The following SLC34A1 variants were observed in gnomAD, a reference collection of about 807,000 sequenced individuals.
The protein encoded by SLC34A1 is solute carrier family 34 member 1.
SLC34A1 carries 57 observed loss-of-function variants against 51.4 expected under a neutral mutation model. The observed-to-expected ratio is 1.11, with a 90% CI of 0.90 to 1.38. The LOEUF (loss-of-function observed/expected upper bound fraction) is 1.38, where lower values mean the gene tolerates loss of function less well. Ranked by LOEUF, SLC34A1 falls within the 40% of genes most tolerant of loss-of-function variation. SLC34A1 has a pLI of 0.00. For synonymous variants in SLC34A1, 368 were observed against 358.0 expected (o/e 1.03, Z -0.32); for missense variants, 796 against 835.6 (o/e 0.95, Z 0.58).
Position 177,386,124 on chromosome 5 carries a change from GAGC to G in SLC34A1, c.250_252del (p.Gln84del). 6.2e-7 allele frequency: 1 copy of G among 1,613,628 alleles called. No individual in the cohort carries two copies. The highest frequency in any genetic ancestry group is 8.5e-7 in the Non-Finnish European group (1 of 1,179,772). On this transcript the variant is annotated inframe_deletion, in exon 3 of 13. Transcript: ENST00000324417. The surrounding 1 kb of genome is among the most constrained non-coding windows in gnomAD (Gnocchi z 4.8). ...GCCTGCCAAGCTGGCCCTGGAGGAG[GAGC>G]AGAAGCCAGGTGGGCCTGGGCTGGG... is the stretch of plus-strand genomic sequence containing the variant.
chr5:177,390,328 C>T (rs1762758962), intron 8 of SLC34A1: 10 of 987,032 alleles, frequency 1.0e-5, no homozygotes, highest in Non-Finnish European at 1.2e-5. Context: ...CTTATGTGGC[C>T]ACACTGTGGA....
chr5:177,394,074 G>C lies in SLC34A1; in HGVS notation c.1053G>C (p.Gly351=). 6.2e-7 allele frequency: 1 copy of C among 1,614,048 alleles called. No homozygotes were observed. Among genetic ancestry groups the C allele is most frequent in the Non-Finnish European group, 8.5e-7 (1 of 1,180,028 alleles). The change falls in exon 10 of 13, where the codon GGG becomes GGC. Residue 351 remains glycine (G), a synonymous_variant. Coordinates refer to ENST00000324417, the MANE Select transcript of SLC34A1 (RefSeq NM_003052.5). ...CTGGCCTACCGGACCTGGCTGTGGG[G>C]CTCATCCTGCTGGCAGGATCCCTGG... The part of the protein sequence containing the change: ...VDTGLPDLAV[G]LILLAGSLVL...
intron 8 of SLC34A1, chr5:177,389,907 C>T (rs1762743288): frequency 7.0e-7 from 1 of 1,431,802 alleles, no homozygotes; most frequent in African/African-American, 1.4e-5. Flanking sequence ...GAAATGCTTT[C>T]CTTAAACGCT....
chr5:177,392,469 A>G (rs1762838484), intron 8 of SLC34A1, among the ~76,000 whole-genome samples: 1 of 77,130 alleles, frequency 1.3e-5, no homozygotes, highest in South Asian at 4.9e-4. Context: ...GTCTCAAAAT[A>G]AATAAATAAA....
chr5:177,393,911 T>C (rs563338558), intron 9 of SLC34A1, 117 bp from the exon 10 acceptor site: 2 of 1,503,030 alleles, frequency 1.3e-6, no homozygotes, highest in East Asian at 2.3e-5. Context: ...CAAGCTCCGG[T>C]GTTGAGGCTC....
At chr5:177,389,694 T>C (rs1319475126) in intron 8 of SLC34A1, 12 of 1,537,148 alleles carry the variant, frequency 7.8e-6, no homozygotes, top group Admixed American at 3.9e-5. Context: ...AAGCAAGCCA[T>C]GGAAGACAGC....
Position 177,386,384 on chromosome 5 carries a change from C to T in SLC34A1, c.388+35C>T, listed in dbSNP as rs1391511568. 1 of 1,614,202 alleles carries T rather than the reference C, an allele frequency of 6.2e-7. No homozygotes were observed. Among genetic ancestry groups the T allele is most frequent in the Non-Finnish European group, 8.5e-7 (1 of 1,180,042 alleles). On this transcript the variant is annotated intron_variant, in intron 4 of 12. Transcript: ENST00000324417. This position sits in a 1 kb window ranked among gnomAD's most constrained non-coding sequence, Gnocchi z 4.8. ...GGGTGGAGGAGACCTGGGAGGGGTT[C>T]CTGAAGGGCCTTGGACAACGCTGGC... is the stretch of plus-strand genomic sequence containing the variant.
Position 177,397,942 on chromosome 5 carries a change from C to T in SLC34A1, c.1576C>T (p.Leu526=). The T allele has an allele frequency of 6.2e-7, 1 of 1,614,124 alleles. No individual in the cohort carries two copies. Among genetic ancestry groups the T allele is most frequent in the South Asian group, 1.1e-5 (1 of 91,088 alleles). ...VLYLLVCFLL[L]PSLVFGISMA... The stretch of plus-strand genomic sequence containing the variant: ...CTATCTCCTTGTCTGCTTCCTGCTG[C>T]TGCCCTCACTGGTGTTTGGCATCTC... Residue 526 remains leucine, a synonymous_variant, in exon 13 of 13, where the codon CTG becomes TTG. Coordinates refer to ENST00000324417, the MANE Select transcript of SLC34A1 (RefSeq NM_003052.5).
chr5:177,386,030 CCTGGGCCCTGTGGCCCTTG>C lies in SLC34A1; in HGVS notation c.157_175del (p.Gly53SerfsTer48), dbSNP rs753323891. On this transcript the variant is annotated frameshift_variant, in exon 3 of 13. Transcript: ENST00000324417. LOFTEE classifies it high-confidence loss of function. This position sits in a 1 kb window ranked among gnomAD's most constrained non-coding sequence, Gnocchi z 4.8. ...GGACCTCTGCCTATGCCTTCCCCAG[CCTGGGCCCTGTGGCCCTTG>C]CTGAGCACACCTGCCCCTGTGGGGA... is the stretch of plus-strand genomic sequence containing the variant. 3 of 1,609,216 alleles carry C rather than the reference CCTGGGCCCTGTGGCCCTTG, an allele frequency of 1.9e-6. No individual in the cohort carries two copies. In the South Asian group the frequency reaches 3.3e-5, roughly 18 times the overall value.
chr5:177,393,981 TG>T (rs774799994), intron 9 of SLC34A1, 46 bp from the exon 10 acceptor site: 1 of 1,612,792 alleles, frequency 6.2e-7, no homozygotes, highest in South Asian at 1.1e-5. Flanking sequence ...GGTGGGGACC[TG>T]GGAGCCAGGT....
In SLC34A1 at chr5:177,397,920, T is replaced by C; in HGVS notation, c.1554T>C (p.Tyr518=). 1 of 1,614,076 alleles carries C rather than the reference T, an allele frequency of 6.2e-7. No individual in the cohort carries two copies. Among genetic ancestry groups the C allele is most frequent in the Non-Finnish European group, 8.5e-7 (1 of 1,180,032 alleles). ...AGTACCGCTGGTTTGCCGTCCTCTA[T>C]CTCCTTGTCTGCTTCCTGCTGCTGC... ...TAKYRWFAVL[Y]LLVCFLLLPS... is the part of the protein sequence containing the mutation. Residue 518 remains tyrosine (Y), a synonymous_variant, in exon 13 of 13, where the codon TAT becomes TAC. Transcript: ENST00000324417.
At chr5:177,395,573 A>C (rs1762930747) in intron 10 of SLC34A1, among the ~76,000 whole-genome samples, 1 of 152,098 alleles carries the variant, frequency 6.6e-6, no homozygotes, top group Non-Finnish European at 1.5e-5. Context: ...GACTTTATTG[A>C]GGGTAACATG....
chr5:177,398,189 C>T lies in SLC34A1; in HGVS notation c.1823C>T (p.Pro608Leu), dbSNP rs1484723273. ...LCCARPEPRS[P>L]PLPPRVFLEE... The stretch of plus-strand genomic sequence containing the variant: ...TGTGCCAGGCCTGAGCCCCGCTCAC[C>T]CCCGCTGCCCCCCAGGGTCTTCCTG... The change falls in exon 13 of 13, where the codon CCC (proline) becomes CTC (leucine). Residue 608 changes from proline (P) to leucine (L), a missense_variant. Physicochemically the swap from Pro to Leu is moderately conservative, Grantham distance 98. Coordinates refer to ENST00000324417, the MANE Select transcript of SLC34A1 (RefSeq NM_003052.5). This position sits in a 1 kb window ranked among gnomAD's most constrained non-coding sequence, Gnocchi z 4.7. 1 of 1,610,144 alleles carries T rather than the reference C, an allele frequency of 6.2e-7. No homozygotes were observed. Among genetic ancestry groups the T allele is most frequent in the Non-Finnish European group, 8.5e-7 (1 of 1,179,864 alleles).
intron 8 of SLC34A1, among the ~76,000 whole-genome samples, chr5:177,392,678 C>T (rs1229078234): frequency 6.6e-6 from 1 of 152,080 alleles, no homozygotes; most frequent in African/African-American, 2.4e-5. Context: ...AGCTGGAGTG[C>T]AGGGGCATGA....
chr5:177,389,865 G>T (rs909195501), intron 8 of SLC34A1: 5 of 1,457,088 alleles, frequency 3.4e-6, no homozygotes, highest in Non-Finnish European at 2.7e-6. Flanking sequence ...GCTGACACTT[G>T]TCCAGCTGGT....
Position 177,397,084 on chromosome 5 carries a change from G to A in SLC34A1, c.1416+10G>A. On this transcript the variant is annotated intron_variant, in intron 12 of 12. Transcript: ENST00000324417. ...GTCCAGCGCTTTCCAGGTGCGCTGG[G>A]AGTGTAGCCTCGCCTGGGGCAGGAT... 6.2e-7 allele frequency: 1 copy of A among 1,612,062 alleles called. No homozygotes were observed. Among genetic ancestry groups the A allele is most frequent in the Non-Finnish European group, 8.5e-7 (1 of 1,179,636 alleles).
chr5:177,385,574 T>C, intron 1 of SLC34A1, 121 bp from the exon 2 acceptor site: 1 of 671,318 alleles, frequency 1.5e-6, no homozygotes, highest in Non-Finnish European at 2.7e-6. Context: ...GGGGTGTGTG[T>C]GTGTGGTGAG....
In SLC34A1 at chr5:177,393,738, C is replaced by T. The variant is rs745946481; in HGVS notation, c.981C>T (p.Thr327=). The T allele has an allele frequency of 1.9e-6, 3 of 1,614,206 alleles. No individual in the cohort carries two copies. ...GAGCAGAGGCCAACTCCAGCCAGAC[C>T]CTTGGAAATGCCACCATGGAGAAAT... ...MSRAEANSSQ[T]LGNATMEKCN... Residue 327 remains threonine, a synonymous_variant, in exon 9 of 13, where the codon ACC becomes ACT. Transcript: ENST00000324417.
rs138689833 is a variant in SLC34A1 at position 177,396,141 on chromosome 5, G to T, written c.1175-592G>T. 4.4e-3 allele frequency among the ~76,000 whole-genome samples: 677 copies of T among 152,236 alleles called. 4 individuals are homozygous for T. Among genetic ancestry groups the T allele is most frequent in the African/African-American group, 0.016 (647 of 41,534 alleles). On this transcript the variant is annotated intron_variant, in intron 10 of 12. Coordinates refer to ENST00000324417, the MANE Select transcript of SLC34A1 (RefSeq NM_003052.5). The surrounding 1 kb of genome is among the most constrained non-coding windows in gnomAD (Gnocchi z 4.0). ...CTGCATGACAAGTACTAGAATAAGG[G>T]GTATCATGGGGCTGTGGGAGCTCAG...
Sources: gnomAD v4.1 joint callset for allele counts (sites outside exome capture counted in the v4.1 genomes callset) on GRCh38, gnomAD v4.1.1 for gene constraint, Gnocchi (gnomAD v3.1) non-coding constraint, MANE v1.5 for transcripts, NCBI Gene and HGNC (gene_info 2026-07-23, HGNC 2026-07-21) for gene names.